Variants in KDM4C observed in about 807,000 individuals in gnomAD.
The protein encoded by KDM4C is lysine-specific demethylase 4C.
KDM4C carries 81 observed loss-of-function variants against 129.3 expected under a neutral mutation model. The ratio of observed to expected loss-of-function variants is 0.63; its 90% CI spans 0.52 to 0.75. The LOEUF (loss-of-function observed/expected upper bound fraction) is 0.75. KDM4C is among the 30% of genes least tolerant of loss of function. The pLI is 0.00. For synonymous variants in KDM4C, 573 were observed against 456.1 expected (o/e 1.26, Z -3.26); for missense variants, 1,457 against 1,304.0 (o/e 1.12, Z -1.81).
At chr9:6,984,550 A>T in intron 10 of KDM4C, 146 bp downstream of exon 10, 1 of 625,432 alleles carries the variant, frequency 1.6e-6, no homozygotes, top group Non-Finnish European at 2.9e-6. Flanking sequence ...AACTCAACCA[A>T]TAGTCCCAGG....
chr9:6,999,949 A>T (rs1820431107), intron 12 of KDM4C, among the ~76,000 whole-genome samples: 1 of 152,238 alleles, frequency 6.6e-6, no homozygotes, highest in African/African-American at 2.4e-5. Context: ...ATACTTTCAT[A>T]ATAAGCACAT....
intron 5 of KDM4C, among the ~76,000 whole-genome samples, chr9:6,874,035 G>A (rs10975868): frequency 0.21 from 32,577 of 152,030 alleles, 4,214 homozygotes; most frequent in Middle Eastern, 0.38. Flanking sequence ...TCTTATGTGG[G>A]CATGGTTTGT....
chr9:7,033,634 C>G (rs1309767735), intron 15 of KDM4C, among the ~76,000 whole-genome samples: 6 of 152,186 alleles, frequency 3.9e-5, no homozygotes, highest in African/African-American at 1.2e-4. Context: ...GTTCTTTCCT[C>G]TTTCTTTTGC....
intron 3 of KDM4C, among the ~76,000 whole-genome samples, chr9:6,809,290 C>A (rs925268460): frequency 6.6e-6 from 1 of 152,202 alleles, no homozygotes; most frequent in African/African-American, 2.4e-5. Flanking sequence ...TTCTTTCAGA[C>A]TCTTCCAGAA....
intron 18 of KDM4C, among the ~76,000 whole-genome samples, chr9:7,123,945 A>T (rs942982637): frequency 6.6e-6 from 1 of 152,174 alleles, no homozygotes; most frequent in Non-Finnish European, 1.5e-5. Flanking sequence ...CTCAGATACC[A>T]TAGGAAAGTG....
At chr9:7,025,949 A>C (rs892874819) in intron 15 of KDM4C, among the ~76,000 whole-genome samples, 1 of 152,134 alleles carries the variant, frequency 6.6e-6, no homozygotes, top group Non-Finnish European at 1.5e-5. Flanking sequence ...CCATGCCTGT[A>C]ATCCCAGCAC....
At chr9:6,802,265 T>G (rs1444253668) in intron 2 of KDM4C, among the ~76,000 whole-genome samples, 2 of 152,160 alleles carry the variant, frequency 1.3e-5, no homozygotes, top group Non-Finnish European at 2.9e-5. Flanking sequence ...TAGGTGATGA[T>G]GAAGGTGTGG....
At chr9:6,814,271 A>C (rs1831677986) in intron 3 of KDM4C, among the ~76,000 whole-genome samples, 1 of 152,068 alleles carries the variant, frequency 6.6e-6, no homozygotes, top group East Asian at 1.9e-4. Context: ...TGTTTCTCTA[A>C]GTGTTATGTC....
chr9:7,154,210 C>T (rs895372782), intron 19 of KDM4C, among the ~76,000 whole-genome samples: 7 of 152,198 alleles, frequency 4.6e-5, no homozygotes, highest in African/African-American at 1.2e-4. Flanking sequence ...ATGATACTTA[C>T]GTGGCTGTCT....
At chr9:7,126,441 A>AATGAGT (rs1349408895) in intron 18 of KDM4C, among the ~76,000 whole-genome samples, 1 of 152,212 alleles carries the variant, frequency 6.6e-6, no homozygotes, top group Non-Finnish European at 1.5e-5. Flanking sequence ...GGATTGAGCA[A>AATGAGT]ATGAGTAAAT....
chr9:6,775,961 C>T (rs1250812693), intron 1 of KDM4C, among the ~76,000 whole-genome samples: 2 of 152,210 alleles, frequency 1.3e-5, no homozygotes, highest in Admixed American at 1.3e-4. Context: ...TGTCTCCAGG[C>T]ATTGCCAATG....
intron 4 of KDM4C, among the ~76,000 whole-genome samples, chr9:6,836,605 T>G (rs1006094182): frequency 6.6e-6 from 1 of 152,166 alleles, no homozygotes; most frequent in Admixed American, 6.5e-5. Context: ...ATTTCTTGCC[T>G]TGTAAAAAAT....
chr9:6,834,582 T>C (rs1835517763), intron 4 of KDM4C: 1 of 730,954 alleles, frequency 1.4e-6, no homozygotes, highest in Non-Finnish European at 2.6e-6. Context: ...CACCAGGGCA[T>C]GATGGTGGGC....
At chr9:6,975,144 A>C (rs1832715372) in intron 8 of KDM4C, among the ~76,000 whole-genome samples, 1 of 152,218 alleles carries the variant, frequency 6.6e-6, no homozygotes, top group Admixed American at 6.5e-5. Flanking sequence ...TAAGGGAGAC[A>C]TATCCTGGCA....
At chr9:6,844,549 T>C (rs1336352062) in intron 4 of KDM4C, among the ~76,000 whole-genome samples, 1 of 152,194 alleles carries the variant, frequency 6.6e-6, no homozygotes, top group Non-Finnish European at 1.5e-5. Context: ...GGTCAAATGA[T>C]TTTTGGGAAA....
intron 5 of KDM4C, among the ~76,000 whole-genome samples, chr9:6,850,857 C>A (rs535469262): frequency 6.6e-6 from 1 of 152,116 alleles, no homozygotes; most frequent in Non-Finnish European, 1.5e-5. Flanking sequence ...TAGGTTCAAG[C>A]GATTCTCCTG....
chr9:6,809,454 G>C (rs1408703900), intron 3 of KDM4C, among the ~76,000 whole-genome samples: 1 of 152,188 alleles, frequency 6.6e-6, no homozygotes, highest in African/African-American at 2.4e-5. Context: ...AGGTCATTGA[G>C]TAGTAACTCT....
At chr9:7,165,725 A>C (rs1844312064) in intron 20 of KDM4C, among the ~76,000 whole-genome samples, 1 of 152,246 alleles carries the variant, frequency 6.6e-6, no homozygotes, top group Non-Finnish European at 1.5e-5. Context: ...TTCAACCAGC[A>C]GCCCCTGAAG....
chr9:6,995,952 GC>G (rs1421030605), intron 12 of KDM4C, among the ~76,000 whole-genome samples: 1 of 152,216 alleles, frequency 6.6e-6, no homozygotes, highest in Admixed American at 6.5e-5. Flanking sequence ...ACAGGCGTGA[GC>G]CACCGCGCCC....
Sources: gnomAD v4.1 joint callset for allele counts (sites outside exome capture counted in the v4.1 genomes callset) on GRCh38, gnomAD v4.1.1 for gene constraint, MANE v1.5 for transcripts, NCBI Gene and HGNC (gene_info 2026-07-23, HGNC 2026-07-21) for gene names.